ADH5: variants seen among roughly 807,000 people sequenced by gnomAD.
ADH5 encodes alcohol dehydrogenase 5 (class III), chi polypeptide.
ADH5 carries 32 observed loss-of-function variants against 40.3 expected under a neutral mutation model. That is an observed-to-expected ratio of 0.79 (90% CI 0.60 to 1.07). ADH5 has a LOEUF of 1.07. Ranked by LOEUF, ADH5 falls within the 50% of genes least tolerant of loss-of-function variation. The pLI is 0.00. For missense variants in ADH5, 353 were observed against 460.5 expected (o/e 0.77, Z 2.14); for synonymous variants, 125 against 154.3 (o/e 0.81, Z 1.41).
At chr4:99,078,860 C>T (rs1309087244) in intron 4 of ADH5, among the ~76,000 whole-genome samples, 2 of 152,170 alleles carry the variant, frequency 1.3e-5, no homozygotes, top group Non-Finnish European at 2.9e-5. Flanking sequence ...CACAAAGAAC[C>T]CATCACCACT....
rs760941592 is a variant in ADH5, at chr4:99,088,696, G to C, written c.5C>G (p.Ala2Gly). 6.2e-7 allele frequency: 1 copy of C among 1,604,758 alleles called. No homozygotes were observed. Among genetic ancestry groups the C allele is most frequent in the Non-Finnish European group, 8.5e-7 (1 of 1,174,978 alleles). The change falls in exon 1 of 9, where the codon GCG becomes GGG. Residue 2 changes from alanine (A) to glycine (G), a missense_variant. Physicochemically the swap from Ala to Gly is moderately conservative, Grantham distance 60. Coordinates refer to ENST00000296412, the MANE Select transcript of ADH5 (RefSeq NM_000671.4). ...CCGCTCAACGGGCCCTACCTCGTTC[G>C]CCATGTTCACGGATTCTGGTCGGCG... M[A>G]NEVIKCKAAV...
intron 3 of ADH5, 72 bp from the exon 4 acceptor site, chr4:99,081,524 T>C: frequency 8.8e-7 from 1 of 1,133,370 alleles, no homozygotes; most frequent in Non-Finnish European, 1.3e-6. Flanking sequence ...CCCTTGCAAA[T>C]TCCTGTCAAC....
chr4:99,077,119 A>G (rs1237262470), intron 4 of ADH5, among the ~76,000 whole-genome samples, 196 bp from the exon 5 acceptor site: 1 of 152,226 alleles, frequency 6.6e-6, no homozygotes, highest in Admixed American at 6.5e-5. Context: ...TTATAATCTT[A>G]TCCATCTTTT....
At chr4:99,086,887 C>A (rs7688859) in intron 1 of ADH5, among the ~76,000 whole-genome samples, 5,426 of 129,676 alleles carry the variant, frequency 0.042, 193 homozygotes, top group African/African-American at 0.068. Context: ...TTGTAGTGAG[C>A]CGAGATCGCG....
rs549954911 is a variant in ADH5, at chr4:99,077,735, C to T, written c.345-812G>A. Reference sequence around the variant, plus strand: ...CTTTGTTTTGCCTGTGACTTGGTTACACCAATAGGAAAGAAAACCCAAAAA... The same window carrying T: ...CTTTGTTTTGCCTGTGACTTGGTTATACCAATAGGAAAGAAAACCCAAAAA... On this transcript the variant is annotated intron_variant, in intron 4 of 8. Coordinates refer to ENST00000296412, the MANE Select transcript of ADH5 (RefSeq NM_000671.4). Among the ~76,000 whole-genome samples the T allele has an allele frequency of 1.5e-3, 234 of 152,304 alleles. 2 individuals are homozygous for T. Among genetic ancestry groups the T allele is most frequent in the African/African-American group, 5.5e-3 (229 of 41,562 alleles).
At chr4:99,085,089 T>G in intron 2 of ADH5, 26 bp downstream of exon 2, 1 of 1,284,990 alleles carries the variant, frequency 7.8e-7, no homozygotes. Context: ...TCTCTTTTTT[T>G]CCCAGTGCCT....
At chr4:99,086,898 C>A (rs568890433) in intron 1 of ADH5, among the ~76,000 whole-genome samples, 1 of 141,416 alleles carries the variant, frequency 7.1e-6, no homozygotes, top group East Asian at 2.0e-4. Flanking sequence ...CGAGATCGCG[C>A]CACTGCACTC....
intron 4 of ADH5, among the ~76,000 whole-genome samples, chr4:99,077,125 C>G (rs905277668): frequency 2.0e-5 from 3 of 152,202 alleles, no homozygotes; most frequent in Non-Finnish European, 4.4e-5. Flanking sequence ...TCTTATCCAT[C>G]TTTTCCAATA....
rs1727935230 is a variant in ADH5, at chr4:99,076,519, G to C, written c.598C>G (p.Leu200Val). Residue 200 changes from leucine to valine, a missense_variant, in exon 6 of 9, where the codon CTG (leucine) becomes GTG (valine). By Grantham distance (32) the Leu-to-Val change is conservative. Coordinates refer to ENST00000296412, the MANE Select transcript of ADH5 (RefSeq NM_000671.4). Reference sequence around the variant, plus strand: ...ATAACTGCCAATCCGACTCCTCCCAGACCAAAGACGGCACAAACAGAGCCA... The same window carrying C: ...ATAACTGCCAATCCGACTCCTCCCACACCAAAGACGGCACAAACAGAGCCA... ...EPGSVCAVFG[L>V]GGVGLAVIMG... 4 of 1,614,032 alleles carry C rather than the reference G, an allele frequency of 2.5e-6. No homozygotes were observed. Among genetic ancestry groups the C allele is most frequent in the Non-Finnish European group, 3.4e-6 (4 of 1,179,912 alleles).
At chr4:99,088,421 G>T in intron 1 of ADH5, among the ~76,000 whole-genome samples, 2 of 151,470 alleles carry the variant, frequency 1.3e-5, no homozygotes, top group Non-Finnish European at 1.5e-5. Context: ...ACCAGCCCCT[G>T]CCCCCCACTC....
At chr4:99,086,189 TATAA>T in intron 1 of ADH5, among the ~76,000 whole-genome samples, 1 of 152,200 alleles carries the variant, frequency 6.6e-6, no homozygotes, top group South Asian at 2.1e-4. Flanking sequence ...ATAACAACAT[TATAA>T]ATAATGTAAT....
intron 4 of ADH5, 23 bp downstream of exon 4, chr4:99,081,339 TAAG>T (rs781679880): frequency 1.3e-5 from 19 of 1,435,766 alleles, no homozygotes; most frequent in Admixed American, 9.5e-5. Context: ...ACTTGTGTTT[TAAG>T]AAGAACATAA....
intron 3 of ADH5, 21 bp from the exon 4 acceptor site, chr4:99,081,473 AT>A (rs1728023562): frequency 6.6e-7 from 1 of 1,506,142 alleles, no homozygotes; most frequent in Non-Finnish European, 9.2e-7. Context: ...ATGCAAAGAC[AT>A]CCTGAATAGG....
rs1727854528 is a variant in ADH5 at position 99,072,558 on chromosome 4, A to G, written c.1100+15T>C. 4 of 1,609,560 alleles carry G rather than the reference A, an allele frequency of 2.5e-6. No homozygotes were observed. Among genetic ancestry groups the G allele is most frequent in the Middle Eastern group, 1.6e-4 (1 of 6,064 alleles). On this transcript the variant is annotated intron_variant, in intron 8 of 8. Transcript: ENST00000296412. ...ATCATTATTACATTCTATGATATAT[A>G]AAGAGAAAGCCTACCTCTTTCCAGA...
At chr4:99,077,901 GTTAA>G (rs1039400926) in intron 4 of ADH5, among the ~76,000 whole-genome samples, 24 of 152,318 alleles carry the variant, frequency 1.6e-4, no homozygotes, top group African/African-American at 5.3e-4. Context: ...ATCTGAGCAA[GTTAA>G]TTAATCTTTA....
In ADH5 at chr4:99,074,968, T is replaced by C; in HGVS notation, c.907A>G (p.Thr303Ala). The C allele has an allele frequency of 6.2e-7, 1 of 1,613,074 alleles. No individual in the cohort carries two copies. The highest frequency in any genetic ancestry group is 8.5e-7 in the Non-Finnish European group (1 of 1,179,424). Residue 303 changes from threonine (T) to alanine (A), a missense_variant, in exon 7 of 9, where the codon ACT becomes GCT. By Grantham distance (58) the Thr-to-Ala change is moderately conservative. Transcript: ENST00000296412. ...GVAASGEEIA[T>A]RPFQLVTGRT... ...CCTGTTACCAGCTGGAATGGACGAG[T>C]GGCAATTTCTTCACCTGAAGCAGCT... is the stretch of plus-strand genomic sequence containing the variant.
At chr4:99,088,561 A>C in intron 1 of ADH5, 128 bp downstream of exon 1, 1 of 976,586 alleles carries the variant, frequency 1.0e-6, no homozygotes, top group Non-Finnish European at 1.4e-6. Flanking sequence ...CTGGGGGCCC[A>C]GTTTCAGAAC....
At position 99,076,805 on chromosome 4, in the gene ADH5, T is replaced by C; in HGVS notation, c.463A>G (p.Ile155Val). ...TFSEYTVVADISVAKIDPLAP... is the reference protein window; with the variant it reads ...TFSEYTVVADVSVAKIDPLAP... ...AAAGGATCTATTTTAGCAACAGAGA[T>C]ATCAGCCACAACTGTGTATTCAGAA... The change falls in exon 5 of 9, where the codon ATC becomes GTC. Residue 155 changes from isoleucine to valine, a missense_variant. Physicochemically the swap from Ile to Val is conservative, Grantham distance 29. Coordinates refer to ENST00000296412, the MANE Select transcript of ADH5 (RefSeq NM_000671.4). The C allele has an allele frequency of 2.5e-6, 4 of 1,614,018 alleles. No individual in the cohort carries two copies. Among genetic ancestry groups the C allele is most frequent in the Non-Finnish European group, 3.4e-6 (4 of 1,179,882 alleles).
At chr4:99,085,337 C>A in intron 1 of ADH5, 121 bp from the exon 2 acceptor site, 1 of 448,380 alleles carries the variant, frequency 2.2e-6, no homozygotes, top group South Asian at 6.6e-5. Flanking sequence ...CACAAAGAAA[C>A]ATATGCTTCC....
Sources: gnomAD v4.1 joint callset for allele counts (sites outside exome capture counted in the v4.1 genomes callset) on GRCh38, gnomAD v4.1.1 for gene constraint, MANE v1.5 for transcripts, NCBI Gene and HGNC (gene_info 2026-07-23, HGNC 2026-07-21) for gene names.